Variants in LMBRD1 observed in about 807,000 individuals in gnomAD.
The protein encoded by LMBRD1 is LMBR1 domain containing 1.
LMBRD1 carries 64 observed loss-of-function variants against 74.8 expected under a neutral mutation model. That is an observed-to-expected ratio of 0.86 (90% CI 0.70 to 1.05). The LOEUF (loss-of-function observed/expected upper bound fraction) is 1.05. Among genes scored for constraint, LMBRD1 ranks in the 50% least tolerant of loss-of-function variants. LMBRD1 has a pLI of 0.00. For synonymous variants in LMBRD1, 204 were observed against 216.3 expected (o/e 0.94, Z 0.50); for missense variants, 652 against 645.9 (o/e 1.01, Z -0.10).
At position 69,766,684 on chromosome 6, in the gene LMBRD1, T is replaced by A. The variant is rs527725689; in HGVS notation, c.307+13810A>T. Among the ~76,000 whole-genome samples the A allele has an allele frequency of 1.8e-4, 27 of 151,892 alleles. 1 individual carries two copies. The South Asian group carries it at 5.4e-3, about 30-fold the overall frequency. The stretch of plus-strand genomic sequence containing the variant: ...AAGTGAGTTGGGAAGTGTTCCTTCA[T>A]CCTCTATTTCCTAAAAAGGTTGATA... On this transcript the variant is annotated intron_variant, in intron 3 of 15. Coordinates refer to ENST00000649934, the MANE Select transcript of LMBRD1 (RefSeq NM_018368.4).
chr6:69,722,837 T>C (rs1044747375), intron 7 of LMBRD1, among the ~76,000 whole-genome samples: 4 of 152,066 alleles, frequency 2.6e-5, no homozygotes, highest in African/African-American at 9.7e-5. Flanking sequence ...TCCTTACGTA[T>C]CAGTAACAAC....
chr6:69,763,845 G>A (rs1490492192), intron 3 of LMBRD1, among the ~76,000 whole-genome samples: 2 of 152,086 alleles, frequency 1.3e-5, no homozygotes, highest in African/African-American at 2.4e-5. Flanking sequence ...TTATTGAAAC[G>A]CTTTTTTCCT....
chr6:69,737,923 T>G lies in LMBRD1; in HGVS notation c.636+19A>C. On this transcript the variant is annotated intron_variant, in intron 7 of 15. Coordinates refer to ENST00000649934, the MANE Select transcript of LMBRD1 (RefSeq NM_018368.4). The stretch of plus-strand genomic sequence containing the variant: ...GTTTTATAAGGCAATTTTAACTCAA[T>G]TATCCCCATTTCACTTACTGTGTAA... 2 of 1,568,588 alleles carry G rather than the reference T, an allele frequency of 1.3e-6. No individual in the cohort carries two copies. Among genetic ancestry groups the G allele is most frequent in the Non-Finnish European group, 1.8e-6 (2 of 1,140,924 alleles).
chr6:69,724,989 A>G (rs2149860427), intron 7 of LMBRD1, among the ~76,000 whole-genome samples: 1 of 152,280 alleles, frequency 6.6e-6, no homozygotes, highest in East Asian at 1.9e-4. Context: ...AAAAACTATT[A>G]TAACTGACAA....
At position 69,741,792 on chromosome 6, in the gene LMBRD1, T is replaced by C. The variant is rs1767108829; in HGVS notation, c.559A>G (p.Ser187Gly). 6.4e-7 allele frequency: 1 copy of C among 1,562,234 alleles called. No homozygotes were observed. Among genetic ancestry groups the C allele is most frequent in the South Asian group, 1.1e-5 (1 of 89,874 alleles). Residue 187 changes from serine (S) to glycine (G), a missense_variant, in exon 6 of 16, where the codon AGT becomes GGT. Physicochemically the swap from Ser to Gly is moderately conservative, Grantham distance 56. Coordinates refer to ENST00000649934, the MANE Select transcript of LMBRD1 (RefSeq NM_018368.4). The part of the protein sequence containing the change: ...VKSLFEELGS[S>G]HGLAALSFSI... ...TTTTAAAAAAAACAATACTTACGAC[T>C]ACTTCCAAGTTCTTCAAATAGGGAC...
intron 3 of LMBRD1, among the ~76,000 whole-genome samples, chr6:69,758,440 C>A (rs2149881077): frequency 6.6e-6 from 1 of 152,292 alleles, no homozygotes; most frequent in South Asian, 2.1e-4. Flanking sequence ...TCAGCTGGCA[C>A]TCCCTTTCTT....
At chr6:69,723,176 C>G (rs888556771) in intron 7 of LMBRD1, among the ~76,000 whole-genome samples, 6 of 152,022 alleles carry the variant, frequency 3.9e-5, no homozygotes, top group African/African-American at 1.2e-4. Context: ...ATATATAAAG[C>G]AAATATTATT....
At position 69,700,782 on chromosome 6, in the gene LMBRD1, A is replaced by G. The variant is rs770836987; in HGVS notation, c.1171T>C (p.Trp391Arg). 2.0e-6 allele frequency: 3 copies of G among 1,520,192 alleles called. No individual in the cohort carries two copies. Among genetic ancestry groups the G allele is most frequent in the East Asian group, 2.4e-5 (1 of 42,268 alleles). 94.2% of individuals were successfully genotyped at this position (1,520,192 alleles called of 1,614,324 possible). Residue 391 changes from tryptophan (W) to arginine (R), a missense_variant, in exon 12 of 16, where the codon TGG becomes CGG. Around this residue, in one of 3 missense-constraint regions of LMBRD1, gnomAD observed 598 missense variants for 581.8 expected, o/e 1.03. Transcript: ENST00000649934. Reference sequence around the variant, plus strand: ...ATACTTACTCTAATCCAAAAGAACCATATGCCAATATTTCGAATTCCTGCC... The same window carrying G: ...ATACTTACTCTAATCCAAAAGAACCGTATGCCAATATTTCGAATTCCTGCC... ...SMAGIRNIGI[W>R]FFWIRLYKIR...
chr6:69,766,800 CATAATATGTGAAATTCTTCACAT>C (rs1765482925), intron 3 of LMBRD1, among the ~76,000 whole-genome samples: 1 of 151,454 alleles, frequency 6.6e-6, no homozygotes. Context: ...TATTTAAATA[CATAATATGTGAAATTCTTCACAT>C]ATTTCTTGTG....
At chr6:69,734,893 TAGTG>T (rs746760534) in intron 7 of LMBRD1, among the ~76,000 whole-genome samples, 1 of 152,204 alleles carries the variant, frequency 6.6e-6, no homozygotes, top group Non-Finnish European at 1.5e-5. Context: ...TTTGGTGAAT[TAGTG>T]AGTGACGATG....
intron 7 of LMBRD1, among the ~76,000 whole-genome samples, chr6:69,734,750 T>C (rs192626454): frequency 1.8e-4 from 27 of 152,306 alleles, no homozygotes; most frequent in African/African-American, 6.3e-4. Flanking sequence ...AACTTCCTAT[T>C]GCATATTTCT....
intron 8 of LMBRD1, among the ~76,000 whole-genome samples, chr6:69,714,187 C>T (rs1189379080): frequency 1.3e-5 from 2 of 152,018 alleles, no homozygotes; most frequent in African/African-American, 4.8e-5. Flanking sequence ...GGCTCTGCCC[C>T]TTCCCTCTCT....
chr6:69,705,931 GC>G, intron 9 of LMBRD1: 1 of 1,206,386 alleles, frequency 8.3e-7, no homozygotes, highest in Non-Finnish European at 1.2e-6. Flanking sequence ...TTTCAAAGTT[GC>G]CAGTGTTACT....
intron 14 of LMBRD1, among the ~76,000 whole-genome samples, chr6:69,690,638 T>C (rs1235561820): frequency 1.3e-5 from 2 of 152,210 alleles, no homozygotes; most frequent in Admixed American, 6.5e-5. Context: ...TTTTTAGTTA[T>C]GTAATACAAT....
At chr6:69,770,403 T>G (rs987652349) in intron 3 of LMBRD1, among the ~76,000 whole-genome samples, 2 of 152,192 alleles carry the variant, frequency 1.3e-5, no homozygotes, top group Non-Finnish European at 2.9e-5. Context: ...TCTCAGACTG[T>G]TGTATGTCTT....
chr6:69,707,631 C>A (rs181090439), intron 9 of LMBRD1, among the ~76,000 whole-genome samples: 1 of 152,132 alleles, frequency 6.6e-6, no homozygotes, highest in East Asian at 1.9e-4. Context: ...GATCTATCTT[C>A]TTTCTGAAGA....
intron 3 of LMBRD1, among the ~76,000 whole-genome samples, chr6:69,777,330 A>G (rs1422484460): frequency 6.6e-6 from 1 of 151,326 alleles, no homozygotes; most frequent in African/African-American, 2.4e-5. Context: ...ACATGTGCCT[A>G]TAATCCCAGC....
At chr6:69,744,744 T>C (rs1403991502) in intron 5 of LMBRD1, among the ~76,000 whole-genome samples, 2 of 152,222 alleles carry the variant, frequency 1.3e-5, no homozygotes, top group African/African-American at 4.8e-5. Flanking sequence ...CCTGAACTTA[T>C]ATAATGGCTA....
At chr6:69,732,300 T>G (rs1017964911) in intron 7 of LMBRD1, among the ~76,000 whole-genome samples, 3 of 152,114 alleles carry the variant, frequency 2.0e-5, no homozygotes, top group Non-Finnish European at 4.4e-5. Context: ...TAAATAAGAT[T>G]AATGCCCTTA....
Sources: allele counts gnomAD v4.1 joint callset (sites outside exome capture counted in the v4.1 genomes callset), GRCh38; gene constraint gnomAD v4.1.1; regional missense constraint gnomAD v4.1.1; transcripts MANE v1.5; gene names NCBI Gene and HGNC (gene_info 2026-07-23, HGNC 2026-07-21).